Variants in HACL1 observed in about 807,000 individuals in gnomAD.
The protein encoded by HACL1 is 2-hydroxyacyl-CoA lyase 1, also known as 1600020H07Rik.
A neutral mutation model predicts 74.2 loss-of-function variants in HACL1; 64 were observed. That is an observed-to-expected ratio of 0.86 (90% confidence interval 0.70 to 1.06). HACL1 has a LOEUF of 1.06. Ranked by LOEUF, HACL1 falls within the 50% of genes least tolerant of loss-of-function variation. The pLI, the probability that HACL1 is intolerant of heterozygous loss-of-function variation, is 0.00. For missense variants in HACL1, 728 were observed against 719.7 expected (o/e 1.01, Z -0.13); for synonymous variants, 230 against 238.8 (o/e 0.96, Z 0.34).
At chr3:15,584,753 T>C (rs1040051690) in intron 7 of HACL1, among the ~76,000 whole-genome samples, 1 of 152,246 alleles carries the variant, frequency 6.6e-6, no homozygotes, top group African/African-American at 2.4e-5. Context: ...ATGATTTAGA[T>C]ACCAGTGAAA....
At chr3:15,575,146 C>T (rs2063601558) in intron 9 of HACL1, 64 bp from the exon 10 acceptor site, 2 of 838,366 alleles carry the variant, frequency 2.4e-6, no homozygotes, top group Admixed American at 1.8e-5. Flanking sequence ...GAAAATTCAT[C>T]TCTGAAGTAT....
chr3:15,585,886 A>G (rs927075215), intron 6 of HACL1, among the ~76,000 whole-genome samples: 3 of 152,154 alleles, frequency 2.0e-5, no homozygotes, highest in South Asian at 2.1e-4. Flanking sequence ...GGAAAATTCC[A>G]TATCTGACCT....
intron 12 of HACL1, among the ~76,000 whole-genome samples, chr3:15,569,280 G>A (rs561014479): frequency 6.4e-4 from 97 of 152,218 alleles, no homozygotes; most frequent in African/African-American, 2.3e-3. Context: ...AGGTAAAGAG[G>A]GACCCTCCTA....
At chr3:15,583,307 G>A (rs1283036165) in intron 7 of HACL1, among the ~76,000 whole-genome samples, 4 of 152,222 alleles carry the variant, frequency 2.6e-5, no homozygotes, top group Admixed American at 6.5e-5. Context: ...TAAATTAACA[G>A]TTATTCCCTG....
At chr3:15,565,095 G>A (rs1387162397) in intron 14 of HACL1, among the ~76,000 whole-genome samples, 1 of 151,998 alleles carries the variant, frequency 6.6e-6, no homozygotes. Flanking sequence ...AACCCGGGAG[G>A]CGGAGGTTGC....
intron 3 of HACL1, among the ~76,000 whole-genome samples, chr3:15,593,782 GT>G (rs200160002): frequency 0.023 from 2,890 of 123,658 alleles, 102 homozygotes; most frequent in African/African-American, 0.079. Flanking sequence ...AATGTTTTGT[GT>G]TTTTTTTTTT....
At position 15,582,886 on chromosome 3, in the gene HACL1, T is replaced by C. The variant is rs759237315; in HGVS notation, c.658A>G (p.Ile220Val). The change falls in exon 8 of 17, where the codon ATC becomes GTC. Residue 220 changes from isoleucine (I) to valine (V), a missense_variant. Coordinates refer to ENST00000321169, the MANE Select transcript of HACL1 (RefSeq NM_012260.4). ...IRNAKQPLLI[I>V]GKGAAYAHAE... ...GTTCTATTCATGCTACCTTTCCCGA[T>C]GATAAGAAGGGGTTGTTTGGCATTC... 5.1e-6 allele frequency: 8 copies of C among 1,563,264 alleles called. No homozygotes were observed. The highest frequency in any genetic ancestry group is 2.2e-5 in the South Asian group (2 of 89,742).
At chr3:15,568,871 T>A (rs1471395596) in intron 12 of HACL1, among the ~76,000 whole-genome samples, 1 of 152,146 alleles carries the variant, frequency 6.6e-6, no homozygotes, top group Non-Finnish European at 1.5e-5. Context: ...CATTGAGAAG[T>A]CCTACAGTAA....
chr3:15,579,035 T>C (rs2063676528), intron 9 of HACL1, among the ~76,000 whole-genome samples: 1 of 152,234 alleles, frequency 6.6e-6, no homozygotes, highest in Non-Finnish European at 1.5e-5. Context: ...GCTCTGAAAC[T>C]GAAGTGACCC....
chr3:15,562,626 C>A (rs936886288), intron 16 of HACL1, among the ~76,000 whole-genome samples: 1 of 151,964 alleles, frequency 6.6e-6, no homozygotes, highest in African/African-American at 2.4e-5. Context: ...ACTGTTCGCA[C>A]GGAAGACAGG....
intron 7 of HACL1, among the ~76,000 whole-genome samples, chr3:15,584,594 A>G (rs945319283): frequency 6.6e-6 from 1 of 151,252 alleles, no homozygotes; most frequent in African/African-American, 2.4e-5. Flanking sequence ...TCTCAAATTG[A>G]AAAAAAAATC....
At chr3:15,587,074 C>A (rs116704253) in intron 5 of HACL1, among the ~76,000 whole-genome samples, 3,010 of 152,074 alleles carry the variant, frequency 0.02, 104 homozygotes, top group African/African-American at 0.069. Flanking sequence ...TATGGTGTTT[C>A]GAATATATGA....
chr3:15,576,667 T>A (rs1283284284), intron 9 of HACL1, among the ~76,000 whole-genome samples: 1 of 152,196 alleles, frequency 6.6e-6, no homozygotes, highest in African/African-American at 2.4e-5. Flanking sequence ...GAGTTTATTA[T>A]CATAATTGTC....
intron 3 of HACL1, among the ~76,000 whole-genome samples, chr3:15,593,315 G>A (rs2063991134): frequency 6.6e-6 from 1 of 151,850 alleles, no homozygotes; most frequent in Non-Finnish European, 1.5e-5. Context: ...CTAAGCTCAG[G>A]TGATCTTCCC....
chr3:15,570,632 ATG>A (rs1386155646), intron 12 of HACL1, among the ~76,000 whole-genome samples: 10 of 138,374 alleles, frequency 7.2e-5, no homozygotes. Flanking sequence ...ATACACACAC[ATG>A]CACACACACA....
intron 14 of HACL1, 110 bp downstream of exon 14, chr3:15,567,734 C>CA (rs776322811): frequency 1.8e-5 from 18 of 976,440 alleles, no homozygotes; most frequent in Non-Finnish European, 2.9e-5. Flanking sequence ...CAGTGCTGTG[C>CA]ACAGGGCACC....
intron 12 of HACL1, among the ~76,000 whole-genome samples, chr3:15,569,461 G>A (rs187047599): frequency 2.0e-3 from 296 of 151,418 alleles, no homozygotes; most frequent in African/African-American, 6.8e-3. Context: ...CAAGGCGGGC[G>A]GATCACGAGG....
At chr3:15,570,362 A>G (rs1003918614) in intron 12 of HACL1, among the ~76,000 whole-genome samples, 3 of 151,834 alleles carry the variant, frequency 2.0e-5, no homozygotes, top group East Asian at 1.9e-4. Flanking sequence ...AAAAATTCCA[A>G]TGTAAGACAG....
At chr3:15,588,195 T>C (rs140218086) in intron 5 of HACL1, among the ~76,000 whole-genome samples, 265 of 152,310 alleles carry the variant, frequency 1.7e-3, no homozygotes, top group African/African-American at 6.2e-3. Context: ...TGCCCGGCTG[T>C]CTAATGATTT....
Sources: allele counts gnomAD v4.1 joint callset (sites outside exome capture counted in the v4.1 genomes callset), GRCh38; gene constraint gnomAD v4.1.1; transcripts MANE v1.5; gene names NCBI Gene and HGNC (gene_info 2026-07-23, HGNC 2026-07-21).